HECW2: variants seen among roughly 807,000 people sequenced by gnomAD.
HECW2 encodes E3 ubiquitin-protein ligase HECW2.
A neutral mutation model predicts 175.2 loss-of-function variants in HECW2; 61 were observed. The ratio of observed to expected loss-of-function variants is 0.35; its 90% confidence interval spans 0.28 to 0.43. The LOEUF (loss-of-function observed/expected upper bound fraction) is 0.43, where lower values mean the gene tolerates loss of function less well. Among genes scored for constraint, HECW2 ranks in the 20% least tolerant of loss-of-function variants. HECW2 has a pLI of 1.00. For synonymous variants in HECW2, 671 were observed against 731.0 expected (o/e 0.92, Z 1.32); for missense variants, 1,524 against 2,000.5 (o/e 0.76, Z 4.54).
At chr2:196,386,641 A>G (rs762276262) in intron 2 of HECW2, among the ~76,000 whole-genome samples, 121 of 152,196 alleles carry the variant, frequency 8.0e-4, no homozygotes, top group Non-Finnish European at 3.8e-4. Flanking sequence ...TCTCTTTTTA[A>G]GCAAAATGAA....
intron 1 of HECW2, among the ~76,000 whole-genome samples, chr2:196,580,331 T>C (rs915596334): frequency 6.6e-6 from 1 of 151,998 alleles, no homozygotes; most frequent in Non-Finnish European, 1.5e-5. Context: ...AAAAGGTGAG[T>C]TGGATTTCAT....
chr2:196,457,700 C>A (rs563576621), intron 1 of HECW2, among the ~76,000 whole-genome samples: 4 of 152,098 alleles, frequency 2.6e-5, no homozygotes, highest in African/African-American at 9.7e-5. Flanking sequence ...ATATGATTTC[C>A]AAGATACCTC....
In HECW2 at chr2:196,551,537, T is replaced by A. The variant is rs113669514; in HGVS notation, c.-36+41971A>T. ...TGGCTTCTGTTTACTCTAAAACTAT[T>A]CCAGATGATAATTCAAAATATACAA... is the stretch of plus-strand genomic sequence containing the variant. On this transcript the variant is annotated intron_variant, in intron 1 of 28. Transcript: ENST00000644978. 2.9e-3 allele frequency among the ~76,000 whole-genome samples: 444 copies of A among 152,304 alleles called. 1 individual carries two copies. Among genetic ancestry groups the A allele is most frequent in the African/African-American group, 0.01 (420 of 41,560 alleles).
intron 2 of HECW2, among the ~76,000 whole-genome samples, chr2:196,347,199 C>G (rs890801733): frequency 6.7e-6 from 1 of 150,196 alleles, no homozygotes; most frequent in African/African-American, 2.4e-5. Context: ...ATTACAGGCG[C>G]CTGCCACCAC....
At chr2:196,340,261 G>A (rs1276879982) in intron 3 of HECW2, among the ~76,000 whole-genome samples, 1 of 152,076 alleles carries the variant, frequency 6.6e-6, no homozygotes, top group East Asian at 1.9e-4. Flanking sequence ...ACATTCCATT[G>A]TGAGTCCCTT....
chr2:196,310,768 TTGTGTGTG>T (rs143340435), intron 10 of HECW2, among the ~76,000 whole-genome samples: 3 of 148,216 alleles, frequency 2.0e-5, no homozygotes, highest in Non-Finnish European at 4.5e-5. Flanking sequence ...AGCAACGATT[TTGTGTGTG>T]TGTGTGTGTG....
At position 196,318,890 on chromosome 2, in the gene HECW2, C is replaced by T. The variant is rs780000492; in HGVS notation, c.2000G>A (p.Arg667Gln). 5.8e-6 allele frequency: 9 copies of T among 1,561,556 alleles called. No homozygotes were observed. The highest frequency in any genetic ancestry group is 3.7e-5 in the South Asian group (3 of 81,534). The change falls in exon 9 of 29, where the codon CGG becomes CAG. Residue 667 changes from arginine to glutamine, a missense_variant. By Grantham distance (43) the Arg-to-Gln change is conservative. Coordinates refer to ENST00000644978, the MANE Select transcript of HECW2 (RefSeq NM_001348768.2). ...DTRCSSLESARFPETPAFSSQ... is the reference protein window; with the variant it reads ...DTRCSSLESAQFPETPAFSSQ... ...AGAAAAGGCTGGGGTTTCAGGAAAC[C>T]GTGCGCTCTCAAGAGAGGAGCACCG...
intron 21 of HECW2, among the ~76,000 whole-genome samples, chr2:196,237,176 C>A (rs1240360789): frequency 6.6e-6 from 1 of 151,202 alleles, no homozygotes; most frequent in East Asian, 1.9e-4. Flanking sequence ...AGCAGTGATT[C>A]TTTTTTTTTA....
chr2:196,299,928 C>CA (rs68024134), intron 13 of HECW2, among the ~76,000 whole-genome samples: 10,445 of 144,686 alleles, frequency 0.072, 410 homozygotes, highest in East Asian at 0.12. Flanking sequence ...AACTCTGTCT[C>CA]AAAAAAAAAA....
At chr2:196,350,743 G>A (rs1693141656) in intron 2 of HECW2, among the ~76,000 whole-genome samples, 1 of 152,170 alleles carries the variant, frequency 6.6e-6, no homozygotes, top group African/African-American at 2.4e-5. Context: ...AGGAGCTGAC[G>A]GGATAAGGCA....
intron 1 of HECW2, among the ~76,000 whole-genome samples, chr2:196,556,114 C>A (rs1322803246): frequency 6.6e-6 from 1 of 152,120 alleles, no homozygotes; most frequent in African/African-American, 2.4e-5. Flanking sequence ...TTTATTTGTG[C>A]AAATTTAAGA....
chr2:196,292,949 G>C (rs1690659012), intron 13 of HECW2, among the ~76,000 whole-genome samples, 199 bp from the exon 14 acceptor site: 1 of 152,092 alleles, frequency 6.6e-6, no homozygotes, highest in African/African-American at 2.4e-5. Flanking sequence ...GACTACAGAA[G>C]GTAAGGCAGT....
intron 1 of HECW2, among the ~76,000 whole-genome samples, chr2:196,503,734 T>C (rs1014499473): frequency 6.6e-6 from 1 of 152,200 alleles, no homozygotes; most frequent in Non-Finnish European, 1.5e-5. Context: ...CTGATGTTTA[T>C]TAAGATTCTG....
At chr2:196,315,994 T>A (rs1691681198) in intron 10 of HECW2, 1 of 152,240 alleles carries the variant, frequency 6.6e-6, no homozygotes, top group South Asian at 2.1e-4. Context: ...CAATTATACC[T>A]AAATATCTTC....
chr2:196,331,751 C>G (rs1198239572), intron 4 of HECW2, among the ~76,000 whole-genome samples: 1 of 152,168 alleles, frequency 6.6e-6, no homozygotes, highest in African/African-American at 2.4e-5. Flanking sequence ...GCAAAATGCT[C>G]ATCTGAAATC....
At chr2:196,372,962 C>T (rs528342251) in intron 2 of HECW2, among the ~76,000 whole-genome samples, 4 of 152,100 alleles carry the variant, frequency 2.6e-5, no homozygotes, top group South Asian at 2.1e-4. Context: ...ATTGGGATAA[C>T]GAGGCACAGC....
intron 2 of HECW2, among the ~76,000 whole-genome samples, chr2:196,356,411 GAAAC>G (rs1294511663): frequency 2.4e-4 from 36 of 152,160 alleles, no homozygotes; most frequent in Non-Finnish European, 8.8e-5. Context: ...GAAAATTCCA[GAAAC>G]AAACAACTCA....
At chr2:196,416,385 A>T (rs1312187013) in intron 2 of HECW2, among the ~76,000 whole-genome samples, 1 of 152,236 alleles carries the variant, frequency 6.6e-6, no homozygotes, top group East Asian at 1.9e-4. Context: ...GATCATAAAG[A>T]TCACCTAAAA....
rs571985252 is a variant in HECW2, at chr2:196,537,996, C to T, written c.-36+55512G>A. On this transcript the variant is annotated intron_variant, in intron 1 of 28. Coordinates refer to ENST00000644978, the MANE Select transcript of HECW2 (RefSeq NM_001348768.2). Reference sequence around the variant, plus strand: ...TTGCTTTTACTCTGCACTGTGGACTCGCCCTGAATTCTTTCTTGTGGGAGA... The same window carrying T: ...TTGCTTTTACTCTGCACTGTGGACTTGCCCTGAATTCTTTCTTGTGGGAGA... Among the ~76,000 whole-genome samples the T allele has an allele frequency of 6.5e-4, 99 of 152,294 alleles. 2 individuals carry two copies. The highest frequency in any genetic ancestry group is 2.1e-3 in the African/African-American group (86 of 41,552).
Sources: allele counts gnomAD v4.1 joint callset (sites outside exome capture counted in the v4.1 genomes callset), GRCh38; gene constraint gnomAD v4.1.1; transcripts MANE v1.5; gene names NCBI Gene and HGNC (gene_info 2026-07-23, HGNC 2026-07-21).